Variants in CDH19 observed in about 807,000 individuals in gnomAD.
The protein encoded by CDH19 is cadherin-19.
A neutral mutation model predicts 64.2 loss-of-function variants in CDH19; 67 were observed. The ratio of observed to expected loss-of-function variants is 1.04; its 90% confidence interval spans 0.86 to 1.28. The LOEUF (loss-of-function observed/expected upper bound fraction) is 1.28, where lower values mean the gene tolerates loss of function less well. Ranked by LOEUF, CDH19 falls within the 50% of genes most tolerant of loss-of-function variation. The pLI is 0.00. For synonymous variants in CDH19, 346 were observed against 319.3 expected (o/e 1.08, Z -0.89); for missense variants, 1,030 against 929.0 (o/e 1.11, Z -1.41).
At chr18:66,508,869 G>T (rs917844326) in intron 11 of CDH19, 126 bp downstream of exon 11, 2 of 995,966 alleles carry the variant, frequency 2.0e-6, no homozygotes, top group Admixed American at 2.6e-5. Context: ...ACATTATAAT[G>T]CTATAATAGA....
At chr18:66,526,073 T>TA (rs1447800264) in intron 9 of CDH19, among the ~76,000 whole-genome samples, 1 of 152,102 alleles carries the variant, frequency 6.6e-6, no homozygotes, top group East Asian at 1.9e-4. Flanking sequence ...AAAAACTTGT[T>TA]TTTCATATTT....
intron 9 of CDH19, among the ~76,000 whole-genome samples, chr18:66,523,525 G>T (rs1375451973): frequency 6.6e-6 from 1 of 151,230 alleles, no homozygotes; most frequent in African/African-American, 2.4e-5. Flanking sequence ...ACCCTCCAGG[G>T]TACCAGTGGG....
Position 66,544,146 on chromosome 18 carries a change from T to G in CDH19, c.1039A>C (p.Lys347Gln), listed in dbSNP as rs1598999256. ...GTGGTGGAAGCCTCAGTGTGGTACT[T>G]CATGAGCTGCTCAGGAACATGATGG... ...KNHHVPEQLM[K>Q]YHTEASTTFI... Residue 347 changes from lysine to glutamine, a missense_variant, in exon 7 of 12, where the codon AAG becomes CAG. By Grantham distance (53) the Lys-to-Gln change is moderately conservative. Transcript: ENST00000262150. The G allele has an allele frequency of 6.2e-7, 1 of 1,613,946 alleles. No homozygotes were observed. Among genetic ancestry groups the G allele is most frequent in the East Asian group, 2.2e-5 (1 of 44,870 alleles).
chr18:66,541,903 T>C (rs146246719), intron 7 of CDH19, among the ~76,000 whole-genome samples: 4 of 152,258 alleles, frequency 2.6e-5, no homozygotes, highest in Admixed American at 1.3e-4. Context: ...CATATATATG[T>C]AGCATTTTCA....
At chr18:66,577,170 A>G (rs1988289764) in intron 1 of CDH19, among the ~76,000 whole-genome samples, 1 of 151,876 alleles carries the variant, frequency 6.6e-6, no homozygotes, top group Admixed American at 6.6e-5. Flanking sequence ...TTTTAAAAAT[A>G]CAATTAAATT....
intron 1 of CDH19, among the ~76,000 whole-genome samples, chr18:66,599,369 G>A (rs1335235769): frequency 1.3e-5 from 2 of 151,998 alleles, no homozygotes; most frequent in Non-Finnish European, 2.9e-5. Context: ...AACTCATAGA[G>A]GCATAAAGTA....
chr18:66,511,861 T>A lies in CDH19; in HGVS notation c.1459-176A>T, dbSNP rs190306380. Among the ~76,000 whole-genome samples, 9 of 151,688 alleles carry A rather than the reference T, an allele frequency of 5.9e-5. No homozygotes were observed. The East Asian group carries it at 1.6e-3, about 26-fold the overall frequency. ...AATGTTTTTTCTCAGGTTAAAAATA[T>A]GTTCACTTCCTTTTTTCAAAGAGTG... On this transcript the variant is annotated intron_variant, in intron 9 of 11. Coordinates refer to ENST00000262150, the MANE Select transcript of CDH19 (RefSeq NM_021153.4).
At chr18:66,584,820 GT>G (rs1466650958) in intron 1 of CDH19, among the ~76,000 whole-genome samples, 1 of 151,998 alleles carries the variant, frequency 6.6e-6, no homozygotes, top group East Asian at 1.9e-4. Context: ...TCTAAAATGT[GT>G]TTTTTCTCTT....
intron 5 of CDH19, among the ~76,000 whole-genome samples, chr18:66,545,945 G>A (rs1987099662): frequency 9.5e-6 from 1 of 105,030 alleles, no homozygotes; most frequent in Non-Finnish European, 2.0e-5. Flanking sequence ...AAATTGCTGG[G>A]CACTTTTTTT....
intron 1 of CDH19, among the ~76,000 whole-genome samples, chr18:66,580,370 A>G (rs1385002377): frequency 6.6e-6 from 1 of 152,084 alleles, no homozygotes; most frequent in Non-Finnish European, 1.5e-5. Context: ...TGAAAAAAGA[A>G]TGTTTAAATT....
chr18:66,513,982 AAAGT>A (rs1349217460), intron 9 of CDH19, among the ~76,000 whole-genome samples: 13 of 151,616 alleles, frequency 8.6e-5, no homozygotes, highest in African/African-American at 2.9e-4. Flanking sequence ...CAAGAATTGA[AAAGT>A]AACTACAATT....
At chr18:66,550,530 TG>T (rs745464922) in intron 5 of CDH19, among the ~76,000 whole-genome samples, 130 of 152,228 alleles carry the variant, frequency 8.5e-4, no homozygotes, top group Non-Finnish European at 1.7e-3. Flanking sequence ...AACATTATCC[TG>T]CTTTATCCAA....
At chr18:66,506,103 T>C (rs1327778778) in intron 11 of CDH19, among the ~76,000 whole-genome samples, 1 of 151,918 alleles carries the variant, frequency 6.6e-6, no homozygotes, top group Admixed American at 6.6e-5. Context: ...CACTTATACA[T>C]GGAATCTAAA....
intron 7 of CDH19, among the ~76,000 whole-genome samples, chr18:66,541,533 G>C (rs1986886216): frequency 6.6e-6 from 1 of 151,860 alleles, no homozygotes; most frequent in Non-Finnish European, 1.5e-5. Context: ...TGCTGAAGTG[G>C]GTATTTTCAT....
At position 66,509,249 on chromosome 18, in the gene CDH19, AAAAC is replaced by A. The variant is rs1183786800; in HGVS notation, c.1577-7_1577-4del. The stretch of plus-strand genomic sequence containing the variant: ...AGTCAAAATGACAGCTGTGTTATCT[AAAAC>A]AAAAATCCATGTGCATAATTTTTTC... On this transcript the variant is annotated splice_region_variant and splice_polypyrimidine_tract_variant and intron_variant, in intron 10 of 11. Transcript: ENST00000262150. 6.2e-7 allele frequency: 1 copy of A among 1,610,744 alleles called. No homozygotes were observed. Among genetic ancestry groups the A allele is most frequent in the South Asian group, 1.1e-5 (1 of 90,914 alleles).
At chr18:66,573,995 TATA>T (rs1363287930) in intron 1 of CDH19, among the ~76,000 whole-genome samples, 1 of 151,596 alleles carries the variant, frequency 6.6e-6, no homozygotes, top group African/African-American at 2.4e-5. Context: ...AAAATTTTAA[TATA>T]ATAAAATATT....
chr18:66,508,184 A>ACAT (rs1985293797), intron 11 of CDH19, among the ~76,000 whole-genome samples: 1 of 151,960 alleles, frequency 6.6e-6, no homozygotes, highest in Non-Finnish European at 1.5e-5. Context: ...TGACAAATCT[A>ACAT]AAACAAGTAA....
At chr18:66,534,282 T>A (rs1330841736) in intron 8 of CDH19, among the ~76,000 whole-genome samples, 1 of 151,968 alleles carries the variant, frequency 6.6e-6, no homozygotes, top group Non-Finnish European at 1.5e-5. Context: ...AGATTCAAGC[T>A]CTCCTACAGT....
chr18:66,540,865 T>C (rs1402771890), intron 7 of CDH19, among the ~76,000 whole-genome samples: 1 of 152,156 alleles, frequency 6.6e-6, no homozygotes, highest in Non-Finnish European at 1.5e-5. Context: ...GTCTTAGTGA[T>C]AAAATAAAAA....
Sources: gnomAD v4.1 joint callset for allele counts (sites outside exome capture counted in the v4.1 genomes callset) on GRCh38, gnomAD v4.1.1 for gene constraint, MANE v1.5 for transcripts, NCBI Gene and HGNC (gene_info 2026-07-23, HGNC 2026-07-21) for gene names.